The following BCAS3 variants were observed in gnomAD, a reference collection of about 807,000 sequenced individuals.
The protein encoded by BCAS3 is BCAS3 microtubule associated cell migration factor.
In BCAS3, 53 loss-of-function variants were observed where a neutral mutation model predicts 116.1. The observed-to-expected ratio is 0.46, with a 90% CI of 0.37 to 0.57. The LOEUF is 0.57. BCAS3 is among the 20% of genes least tolerant of loss of function. The pLI is 0.00. For missense variants in BCAS3, 917 were observed against 1,165.4 expected, an observed-to-expected ratio of 0.79 and a Z score of 3.10; for synonymous variants, 391 against 408.2, an observed-to-expected ratio of 0.96 and a Z score of 0.51.
chr17:60,933,870 T>C (rs1319894638), intron 13 of BCAS3, among the ~76,000 whole-genome samples: 1 of 152,208 alleles, frequency 6.6e-6, no homozygotes, highest in East Asian at 1.9e-4. Context: ...GAAGAGGATG[T>C]TTCCATAGTA....
intron 22 of BCAS3, among the ~76,000 whole-genome samples, chr17:61,272,946 T>G (rs2050436363): frequency 1.3e-5 from 2 of 152,236 alleles, no homozygotes; most frequent in South Asian, 4.1e-4. Context: ...CTGTATCCCC[T>G]GTGTTCTTTC....
chr17:60,814,309 G>GCGCGCA (rs2049157434), intron 7 of BCAS3, among the ~76,000 whole-genome samples: 1 of 149,674 alleles, frequency 6.7e-6, no homozygotes, highest in African/African-American at 2.5e-5. Context: ...GTGTGTGTGC[G>GCGCGCA]CGCGTGCCCA....
In BCAS3 at chr17:60,710,638, A is replaced by G. The variant is rs184109788; in HGVS notation, c.321+1313A>G. Reference sequence around the variant, plus strand: ...AGTACAGATGGGGTTTCACCACGTTAGCCAGGATGATCTTGATCTGCTGAC... The same window carrying G: ...AGTACAGATGGGGTTTCACCACGTTGGCCAGGATGATCTTGATCTGCTGAC... On this transcript the variant is annotated intron_variant, in intron 5 of 23. Coordinates refer to ENST00000407086, the MANE Select transcript of BCAS3 (RefSeq NM_017679.5). Among the ~76,000 whole-genome samples, 235 of 151,814 alleles carry G rather than the reference A, an allele frequency of 1.5e-3. 1 individual carries two copies. Among genetic ancestry groups the G allele is most frequent in the Middle Eastern group, 0.014 (4 of 292 alleles).
chr17:60,958,056 C>T (rs1023003448), intron 14 of BCAS3, among the ~76,000 whole-genome samples: 3 of 152,132 alleles, frequency 2.0e-5, no homozygotes, highest in African/African-American at 4.8e-5. Flanking sequence ...TATGGTTGCC[C>T]CAGTTTATTG....
At chr17:61,018,657 C>T (rs2065656943) in intron 16 of BCAS3, among the ~76,000 whole-genome samples, 1 of 152,062 alleles carries the variant, frequency 6.6e-6, no homozygotes, top group African/African-American at 2.4e-5. Flanking sequence ...CTCCCTCTGC[C>T]TGCATAAACA....
chr17:60,955,386 ATT>A lies in BCAS3; in HGVS notation c.1221+8052_1221+8053del, dbSNP rs1016334366. ...AAAGGATCTAGTTCAGGGAAACTGA[ATT>A]TTTTTTTTTTTTTTTTTGAGACAGA... On this transcript the variant is annotated intron_variant, in intron 14 of 23. Coordinates refer to ENST00000407086, the MANE Select transcript of BCAS3 (RefSeq NM_017679.5). Among the ~76,000 whole-genome samples the A allele has an allele frequency of 3.1e-3, 395 of 128,034 alleles. 6 individuals carry two copies. Among genetic ancestry groups the A allele is most frequent in the African/African-American group, 0.012 (350 of 28,288 alleles). 84.0% of individuals were successfully genotyped at this position (128,034 alleles called of 152,430 possible).
intron 6 of BCAS3, among the ~76,000 whole-genome samples, chr17:60,795,513 T>G (rs181327862): frequency 6.6e-6 from 1 of 152,324 alleles, no homozygotes; most frequent in East Asian, 1.9e-4. Flanking sequence ...GAGGGAATGC[T>G]TTCAACTTTT....
intron 22 of BCAS3, among the ~76,000 whole-genome samples, chr17:61,225,159 C>CT (rs5821313): frequency 0.64 from 90,548 of 142,248 alleles, 30,984 homozygotes; most frequent in East Asian, 0.93. Flanking sequence ...ATCGCTCTGC[C>CT]TTTTTTTTTT....
intron 23 of BCAS3, among the ~76,000 whole-genome samples, chr17:61,386,474 C>T (rs1389818138): frequency 1.3e-5 from 2 of 152,264 alleles, no homozygotes; most frequent in Admixed American, 6.5e-5. Context: ...AGTCACAGTG[C>T]TCTGCCAATC....
chr17:61,219,350 T>A lies in BCAS3; in HGVS notation c.2425+134786T>A, dbSNP rs1415915740. On this transcript the variant is annotated intron_variant, in intron 22 of 23. Coordinates refer to ENST00000407086, the MANE Select transcript of BCAS3 (RefSeq NM_017679.5). The surrounding 1 kb of genome is among the most constrained non-coding windows in gnomAD (Gnocchi z 5.2). ...CATATTTCCTAGGGAGTTTTGGGAG[T>A]CATGCAGTGATCAGGTTCAGGACTT... Among the ~76,000 whole-genome samples, 1 of 151,920 alleles carries A rather than the reference T, an allele frequency of 6.6e-6. No homozygotes were observed. The highest frequency in any genetic ancestry group is 1.5e-5 in the Non-Finnish European group (1 of 67,984).
At chr17:60,871,030 A>G (rs1277975398) in intron 8 of BCAS3, among the ~76,000 whole-genome samples, 8 of 152,190 alleles carry the variant, frequency 5.3e-5, no homozygotes, top group Non-Finnish European at 7.3e-5. Context: ...AGTTTTGACA[A>G]TGGTCTTCCC....
chr17:61,341,520 G>T (rs1017491518), intron 22 of BCAS3, among the ~76,000 whole-genome samples: 3 of 152,206 alleles, frequency 2.0e-5, no homozygotes, highest in Non-Finnish European at 2.9e-5. Context: ...AGCTGGTGGA[G>T]CCGGAACACT....
At chr17:60,715,098 A>G (rs2038412768) in intron 5 of BCAS3, among the ~76,000 whole-genome samples, 1 of 151,626 alleles carries the variant, frequency 6.6e-6, no homozygotes, top group Non-Finnish European at 1.5e-5. Flanking sequence ...AGATTCAAAT[A>G]TGAAACAAAT....
Position 61,241,590 on chromosome 17 carries a change from G to A in BCAS3, c.2426-126737G>A, listed in dbSNP as rs1317260640. 6.6e-6 allele frequency among the ~76,000 whole-genome samples: 1 copy of A among 151,784 alleles called. No homozygotes were observed. Among genetic ancestry groups the A allele is most frequent in the East Asian group, 2.0e-4 (1 of 5,102 alleles). On this transcript the variant is annotated intron_variant, in intron 22 of 23. Coordinates refer to ENST00000407086, the MANE Select transcript of BCAS3 (RefSeq NM_017679.5). This position sits in a 1 kb window ranked among gnomAD's most constrained non-coding sequence, Gnocchi z 4.6. ...AAAAATTAGCCGGCCGTGGTGGCGG[G>A]TGCCTGTAGTCCCAGCTACTCGGGA...
rs1160435151 is a variant in BCAS3 at position 61,204,453 on chromosome 17, C to T, written c.2425+119889C>T. Among the ~76,000 whole-genome samples the T allele has an allele frequency of 1.3e-5, 2 of 152,012 alleles. No individual in the cohort carries two copies. Among genetic ancestry groups the T allele is most frequent in the Non-Finnish European group, 2.9e-5 (2 of 68,016 alleles). ...TTTTTCCCACATTCATATTTGACTGCGCATTATGTGAAAAATTGAATTTGG... is the reference window on the plus strand; with the variant it reads ...TTTTTCCCACATTCATATTTGACTGTGCATTATGTGAAAAATTGAATTTGG... On this transcript the variant is annotated intron_variant, in intron 22 of 23. Coordinates refer to ENST00000407086, the MANE Select transcript of BCAS3 (RefSeq NM_017679.5). The surrounding 1 kb of genome is among the most constrained non-coding windows in gnomAD (Gnocchi z 4.2).
chr17:61,096,183 T>A (rs1408973782), intron 22 of BCAS3, among the ~76,000 whole-genome samples: 1 of 152,176 alleles, frequency 6.6e-6, no homozygotes, highest in African/African-American at 2.4e-5. Context: ...TTAAGCCTTC[T>A]TTAATTTCTC....
chr17:61,037,879 CTGTT>C lies in BCAS3; in HGVS notation c.1763-6_1763-3del. 1.2e-6 allele frequency: 2 copies of C among 1,611,110 alleles called. No individual in the cohort carries two copies. The highest frequency in any genetic ancestry group is 1.7e-6 in the Non-Finnish European group (2 of 1,178,224). On this transcript the variant is annotated splice_polypyrimidine_tract_variant and splice_region_variant and intron_variant, in intron 17 of 23. Coordinates refer to ENST00000407086, the MANE Select transcript of BCAS3 (RefSeq NM_017679.5). This position sits in a 1 kb window ranked among gnomAD's most constrained non-coding sequence, Gnocchi z 4.7. ...TCATAACACATCGGGTTCTGTTTCT[CTGTT>C]TGTAGATCAGTCCAAACAAGTTGTA...
chr17:61,101,953 T>G (rs2074353150), intron 22 of BCAS3, among the ~76,000 whole-genome samples: 1 of 152,154 alleles, frequency 6.6e-6, no homozygotes, highest in Admixed American at 6.5e-5. Context: ...ATGATAAAAA[T>G]ACTAATAAAT....
chr17:60,766,989 A>G (rs9898018), intron 6 of BCAS3, among the ~76,000 whole-genome samples: 40,231 of 152,162 alleles, frequency 0.26, 11,214 homozygotes, highest in African/African-American at 0.71. Flanking sequence ...CTCCATGGGC[A>G]TTGGACCCGC....
Sources: allele counts gnomAD v4.1 joint callset (sites outside exome capture counted in the v4.1 genomes callset), GRCh38; gene constraint gnomAD v4.1.1; non-coding constraint Gnocchi (gnomAD v3.1); transcripts MANE v1.5; gene names NCBI Gene and HGNC (gene_info 2026-07-23, HGNC 2026-07-21).